The following CRISP1 variants were observed in gnomAD, a reference collection of about 807,000 sequenced individuals.
CRISP1 encodes the protein cysteine rich secretory protein 1, also known as cysteine-rich secretory protein 1.
Under a neutral mutation model 33.1 loss-of-function variants are expected in CRISP1, and 44 were observed. That is an observed-to-expected ratio of 1.33 (90% confidence interval 1.05 to 1.71). The LOEUF (loss-of-function observed/expected upper bound fraction) is 1.71. CRISP1 is among the 40% of genes most tolerant of loss of function. The pLI, the probability that CRISP1 is intolerant of heterozygous loss-of-function variation, is 0.00. For missense variants in CRISP1, 390 were observed against 301.2 expected, an observed-to-expected ratio of 1.29 and a Z score of -2.18; for synonymous variants, 103 against 98.7, an observed-to-expected ratio of 1.04 and a Z score of -0.26.
At chr6:49,873,509 A>C (rs1021099497) in intron 1 of CRISP1, among the ~76,000 whole-genome samples, 1 of 152,044 alleles carries the variant, frequency 6.6e-6, no homozygotes, top group African/African-American at 2.4e-5. Flanking sequence ...ATGTTAGGCT[A>C]TTTTTCCTAC....
At chr6:49,869,031 T>C (rs911808889), upstream of CRISP1, among the ~76,000 whole-genome samples, 1 of 152,164 alleles carries the variant, frequency 6.6e-6, no homozygotes, top group African/African-American at 2.4e-5. Flanking sequence ...CTATTCAACT[T>C]TGTTTTAGTT....
chr6:49,837,391 A>C (rs1040300686), intron 7 of CRISP1, among the ~76,000 whole-genome samples: 1 of 151,484 alleles, frequency 6.6e-6, no homozygotes, highest in African/African-American at 2.4e-5. Flanking sequence ...GATTCTAAAA[A>C]TCTACTCAAT....
chr6:49,853,140 T>A (rs1771401149), intron 2 of CRISP1, among the ~76,000 whole-genome samples: 1 of 152,124 alleles, frequency 6.6e-6, no homozygotes, highest in African/African-American at 2.4e-5. Flanking sequence ...GTGGACATAC[T>A]CACATGATGT....
At chr6:49,847,383 AAAG>A (rs1166850391) in intron 4 of CRISP1, among the ~76,000 whole-genome samples, 2 of 152,108 alleles carry the variant, frequency 1.3e-5, no homozygotes, top group Non-Finnish European at 2.9e-5. Flanking sequence ...TGGATTCCTC[AAAG>A]AACTTGGTGC....
chr6:49,834,565 T>C lies in CRISP1; in HGVS notation c.*751A>G, dbSNP rs28715345. On this transcript the variant is annotated 3_prime_UTR_variant, in exon 8 of 8. Transcript: ENST00000335847. The stretch of plus-strand genomic sequence containing the variant: ...GAAGCTATTTATGCTCATCTGGCAA[T>C]AATAATATGTGACCTATATGTCTTT... 6.6e-6 allele frequency: 1 copy of C among 152,164 alleles called. No individual in the cohort carries two copies. The highest frequency in any genetic ancestry group is 1.5e-5 in the Non-Finnish European group (1 of 68,014). 9.4% of individuals were successfully genotyped at this position (152,164 alleles called of 1,614,324 possible).
At chr6:49,856,596 T>A (rs1771503741) in intron 2 of CRISP1, among the ~76,000 whole-genome samples, 1 of 152,172 alleles carries the variant, frequency 6.6e-6, no homozygotes, top group Non-Finnish European at 1.5e-5. Context: ...ACAATAAAAC[T>A]AAGTGCCTTT....
intron 5 of CRISP1, among the ~76,000 whole-genome samples, chr6:49,844,623 T>G (rs1253448676): frequency 6.6e-6 from 1 of 152,178 alleles, no homozygotes; most frequent in African/African-American, 2.4e-5. Flanking sequence ...GGGAAAAGGC[T>G]GCCCACAGAG....
chr6:49,841,351 A>T (rs1411365273), intron 5 of CRISP1, among the ~76,000 whole-genome samples: 1 of 152,140 alleles, frequency 6.6e-6, no homozygotes, highest in Non-Finnish European at 1.5e-5. Flanking sequence ...TTTCTCTGGG[A>T]TAGGAGAGAT....
upstream of CRISP1, among the ~76,000 whole-genome samples, chr6:49,866,701 C>A (rs1322457643): frequency 6.6e-6 from 1 of 152,138 alleles, no homozygotes; most frequent in Non-Finnish European, 1.5e-5. Context: ...ATCAATGGAA[C>A]TCACCAATTT....
chr6:49,854,620 ACT>A (rs1388271113), intron 2 of CRISP1, among the ~76,000 whole-genome samples: 1 of 151,798 alleles, frequency 6.6e-6, no homozygotes, highest in Non-Finnish European at 1.5e-5. Flanking sequence ...CTCTGTCTCT[ACT>A]CTCTTTCCCT....
chr6:49,853,700 T>A (rs1291607030), intron 2 of CRISP1, among the ~76,000 whole-genome samples: 1 of 152,194 alleles, frequency 6.6e-6, no homozygotes, highest in East Asian at 1.9e-4. Context: ...CTTCATTTTC[T>A]CTACTAGCCC....
chr6:49,836,212 C>T (rs79456939), intron 7 of CRISP1, among the ~76,000 whole-genome samples: 14,695 of 152,028 alleles, frequency 0.097, 976 homozygotes, highest in Non-Finnish European at 0.15. Context: ...TTATGCAGTC[C>T]TGAATTTGAA....
intron 2 of CRISP1, among the ~76,000 whole-genome samples, chr6:49,855,655 C>G: frequency 6.6e-6 from 1 of 151,930 alleles, no homozygotes; most frequent in South Asian, 2.1e-4. Flanking sequence ...TAGTTTTCCT[C>G]AAAAAAACTT....
intron 6 of CRISP1, 71 bp from the exon 7 acceptor site, chr6:49,838,596 A>G: frequency 8.8e-7 from 1 of 1,130,662 alleles, no homozygotes; most frequent in Non-Finnish European, 1.3e-6. Context: ...CTCACAGTGT[A>G]CAACCAATTT....
rs16879847 is a variant in CRISP1, at chr6:49,838,694, T to C, written c.534-169A>G. Among the ~76,000 whole-genome samples the C allele has an allele frequency of 8.8e-3, 1,336 of 152,276 alleles. 19 individuals are homozygous for C. The highest frequency in any genetic ancestry group is 0.03 in the African/African-American group (1,247 of 41,544). Reference sequence around the variant, plus strand: ...ATTTCCAATCTTACAGCTATAATATTTTTTAGCACGTAGAACCAATAAATG... The same window carrying C: ...ATTTCCAATCTTACAGCTATAATATCTTTTAGCACGTAGAACCAATAAATG... On this transcript the variant is annotated intron_variant, in intron 6 of 7. Transcript: ENST00000335847.
intron 1 of CRISP1, among the ~76,000 whole-genome samples, chr6:49,865,555 CT>C (rs1228272738): frequency 1.3e-5 from 2 of 152,046 alleles, no homozygotes; most frequent in Non-Finnish European, 2.9e-5. Context: ...TGTAAAAGGT[CT>C]TTGTGAAAAC....
intron 1 of CRISP1, among the ~76,000 whole-genome samples, chr6:49,874,868 G>A (rs948973630): frequency 2.0e-5 from 3 of 152,004 alleles, no homozygotes; most frequent in Non-Finnish European, 4.4e-5. Flanking sequence ...TCCCATTCAT[G>A]TTAAAAACTC....
intron 4 of CRISP1, 75 bp downstream of exon 4, chr6:49,848,134 G>C: frequency 1.3e-6 from 1 of 794,640 alleles, no homozygotes; most frequent in South Asian, 2.0e-5. Flanking sequence ...ACTTTCATCA[G>C]GGTACATAAC....
chr6:49,836,277 T>C (rs1770788919), intron 7 of CRISP1, among the ~76,000 whole-genome samples: 2 of 152,068 alleles, frequency 1.3e-5, no homozygotes, highest in African/African-American at 4.8e-5. Context: ...CCTTCAATTA[T>C]AAAGTTTGAT....
Sources: allele counts gnomAD v4.1 joint callset (sites outside exome capture counted in the v4.1 genomes callset), GRCh38; gene constraint gnomAD v4.1.1; transcripts MANE v1.5; gene names NCBI Gene and HGNC (gene_info 2026-07-23, HGNC 2026-07-21).